Variants in CREB5 observed in about 807,000 individuals in gnomAD.
CREB5 encodes cyclic AMP-responsive element-binding protein 5.
CREB5 carries 19 observed loss-of-function variants against 57.1 expected under a neutral mutation model. The ratio of observed to expected loss-of-function variants is 0.33; its 90% confidence interval spans 0.23 to 0.49. The LOEUF is 0.49. Ranked by LOEUF, CREB5 falls within the 20% of genes least tolerant of loss-of-function variation. The pLI, the probability that CREB5 is intolerant of heterozygous loss-of-function variation, is 0.99. For synonymous variants in CREB5, 238 were observed against 238.3 expected, an observed-to-expected ratio of 1.00 and a Z score of 0.01; for missense variants, 579 against 671.6, an observed-to-expected ratio of 0.86 and a Z score of 1.52.
intron 4 of CREB5, among the ~76,000 whole-genome samples, chr7:28,522,931 A>C (rs1793274031): frequency 6.6e-6 from 1 of 152,176 alleles, no homozygotes; most frequent in Admixed American, 6.5e-5. Context: ...CCAACCAAGC[A>C]TGGGAATCCT....
intron 1 of CREB5, among the ~76,000 whole-genome samples, chr7:28,403,333 G>A (rs1271741463): frequency 6.6e-6 from 1 of 152,072 alleles, no homozygotes; most frequent in Non-Finnish European, 1.5e-5. Context: ...AATATTTATT[G>A]AGCACATTCT....
At chr7:28,442,629 G>A (rs997755931) in intron 1 of CREB5, among the ~76,000 whole-genome samples, 1 of 151,992 alleles carries the variant, frequency 6.6e-6, no homozygotes, top group African/African-American at 2.4e-5. Context: ...TTAACTTTTT[G>A]TCTTTTCGAT....
intron 5 of CREB5, among the ~76,000 whole-genome samples, chr7:28,575,787 G>C (rs1003718453): frequency 2.0e-5 from 3 of 152,122 alleles, no homozygotes; most frequent in Admixed American, 2.0e-4. Flanking sequence ...GGCCCTTCTG[G>C]GGGATGCTTT....
In CREB5 at chr7:28,402,538, A is replaced by G. The variant is rs1008235767; in HGVS notation, c.-24-92368A>G. Among the ~76,000 whole-genome samples, 4 of 152,208 alleles carry G rather than the reference A, an allele frequency of 2.6e-5. No homozygotes were observed. The East Asian group carries it at 7.7e-4, about 29-fold the overall frequency. On this transcript the variant is annotated intron_variant, in intron 1 of 9. Coordinates refer to the CREB5 transcript ENST00000396299. ...AATACCACACATCTACAACCATCTG[A>G]TCTTTGACAAACCTGACAAAAACAA...
At chr7:28,818,001 A>G (rs1006699019) in intron 9 of CREB5, 70 bp from the exon 10 acceptor site, 1 of 1,150,812 alleles carries the variant, frequency 8.7e-7, no homozygotes, top group Non-Finnish European at 1.2e-6. Context: ...TTTGTTGTTG[A>G]AAGTGCACAG....
chr7:28,759,123 C>T (rs767075651), intron 7 of CREB5, among the ~76,000 whole-genome samples: 2 of 152,074 alleles, frequency 1.3e-5, no homozygotes, highest in Non-Finnish European at 1.5e-5. Flanking sequence ...GGTACAGGCA[C>T]GCAGACACAT....
intron 1 of CREB5, among the ~76,000 whole-genome samples, chr7:28,368,769 G>A (rs1786641487): frequency 6.6e-6 from 1 of 152,204 alleles, no homozygotes; most frequent in African/African-American, 2.4e-5. Context: ...TATATTGGTT[G>A]GGCCAAGTGG....
intron 4 of CREB5, among the ~76,000 whole-genome samples, chr7:28,554,715 G>A (rs543275206): frequency 6.6e-6 from 1 of 152,342 alleles, no homozygotes; most frequent in South Asian, 2.1e-4. Flanking sequence ...TATTCACAAG[G>A]TCAGCTCTGG....
At chr7:28,528,798 A>C (rs1367806238) in intron 4 of CREB5, among the ~76,000 whole-genome samples, 1 of 150,048 alleles carries the variant, frequency 6.7e-6, no homozygotes, top group Non-Finnish European at 1.5e-5. Flanking sequence ...TTGCCAATGC[A>C]GAATAGGTGT....
chr7:28,435,666 A>G, intron 1 of CREB5: 1 of 985,164 alleles, frequency 1.0e-6, no homozygotes, highest in East Asian at 1.1e-4. Flanking sequence ...TACCTGAATG[A>G]GGAGCTCATA....
chr7:28,635,257 C>G (rs543665384), intron 5 of CREB5, among the ~76,000 whole-genome samples: 2 of 152,300 alleles, frequency 1.3e-5, no homozygotes, highest in South Asian at 4.1e-4. Flanking sequence ...CATATTTTAT[C>G]CTGCAGGTGT....
At chr7:28,790,655 C>T (rs939144801) in intron 7 of CREB5, among the ~76,000 whole-genome samples, 15 of 152,332 alleles carry the variant, frequency 9.8e-5, no homozygotes, top group East Asian at 9.6e-4. Context: ...GCTCACTTAT[C>T]GTGGACATGC....
At chr7:28,665,806 A>G (rs1799801578) in intron 5 of CREB5, among the ~76,000 whole-genome samples, 1 of 151,966 alleles carries the variant, frequency 6.6e-6, no homozygotes, top group South Asian at 2.1e-4. Context: ...TTGAGCCCAG[A>G]AGTTTGAGAC....
At chr7:28,393,237 T>A (rs1368062210) in intron 1 of CREB5, among the ~76,000 whole-genome samples, 3 of 152,106 alleles carry the variant, frequency 2.0e-5, no homozygotes, top group Non-Finnish European at 4.4e-5. Context: ...CATAGCAATG[T>A]TTTTAAGTCA....
intron 1 of CREB5, among the ~76,000 whole-genome samples, chr7:28,401,232 T>G (rs1787455317): frequency 6.6e-6 from 1 of 152,078 alleles, no homozygotes; most frequent in African/African-American, 2.4e-5. Flanking sequence ...AGGTGAAGCT[T>G]TTGATTTTCA....
intron 5 of CREB5, among the ~76,000 whole-genome samples, chr7:28,672,905 A>C (rs572954295): frequency 6.6e-6 from 1 of 152,172 alleles, no homozygotes; most frequent in African/African-American, 2.4e-5. Context: ...ATTTTAGGGT[A>C]TTTTCCTGTT....
intron 4 of CREB5, among the ~76,000 whole-genome samples, chr7:28,558,352 G>A (rs939502617): frequency 2.0e-5 from 3 of 152,196 alleles, no homozygotes; most frequent in Non-Finnish European, 4.4e-5. Flanking sequence ...CATTAGAACA[G>A]CACAGCAGTA....
At chr7:28,639,727 C>T (rs565363116) in intron 5 of CREB5, among the ~76,000 whole-genome samples, 1 of 152,186 alleles carries the variant, frequency 6.6e-6, no homozygotes, top group South Asian at 2.1e-4. Flanking sequence ...GTAGGAGAAC[C>T]CAGTTCTCCA....
At chr7:28,507,305 C>G (rs571911142) in intron 3 of CREB5, among the ~76,000 whole-genome samples, 8 of 152,152 alleles carry the variant, frequency 5.3e-5, no homozygotes, top group African/African-American at 1.9e-4. Flanking sequence ...AAGGGTCATT[C>G]CACATGTTTC....
Sources: gnomAD v4.1 joint callset for allele counts (sites outside exome capture counted in the v4.1 genomes callset) on GRCh38, gnomAD v4.1.1 for gene constraint, MANE v1.5 for transcripts, NCBI Gene and HGNC (gene_info 2026-07-23, HGNC 2026-07-21) for gene names.